Variants in SGCZ observed in about 807,000 individuals in gnomAD.
SGCZ encodes the protein sarcoglycan zeta.
Under a neutral mutation model 41.3 loss-of-function variants are expected in SGCZ, and 40 were observed. That is an observed-to-expected ratio of 0.97 (90% CI 0.75 to 1.26). The LOEUF (loss-of-function observed/expected upper bound fraction) is 1.26, where lower values mean the gene tolerates loss of function less well. Among genes scored for constraint, SGCZ ranks in the 50% most tolerant of loss-of-function variants. The probability of loss-of-function intolerance (pLI) is 0.00; values close to 1 mark genes in which losing one functional copy is unlikely to be tolerated. For synonymous variants in SGCZ, 206 were observed against 137.5 expected, an observed-to-expected ratio of 1.50 and a Z score of -3.49; for missense variants, 552 against 369.8, an observed-to-expected ratio of 1.49 and a Z score of -4.04.
In SGCZ at chr8:15,106,880, G is replaced by A. The variant is rs1273764196; in HGVS notation, c.39+130705C>T. On this transcript the variant is annotated intron_variant, in intron 1 of 7. Transcript: ENST00000382080. ...GGAGTCTGTATCACAGGAAGGAAAT[G>A]TTTCTCAACTTCTGTTATAGTCACC... Among the ~76,000 whole-genome samples the A allele has an allele frequency of 2.0e-5, 3 of 151,646 alleles. No homozygotes were observed. In the East Asian group the frequency reaches 5.8e-4, roughly 29 times the overall value.
chr8:14,769,816 C>CAAAAAAAAAAAAAAAAAA (rs1800174947), intron 1 of SGCZ, among the ~76,000 whole-genome samples: 2 of 91,218 alleles, frequency 2.2e-5, no homozygotes, highest in African/African-American at 8.5e-5. Flanking sequence ...AAAAAAAAAA[C>CAAAAAAAAAAAAAAAAAA]CCAGCAACAA....
At chr8:15,017,157 T>G (rs1432404524) in intron 1 of SGCZ, among the ~76,000 whole-genome samples, 1 of 152,236 alleles carries the variant, frequency 6.6e-6, no homozygotes, top group Non-Finnish European at 1.5e-5. Flanking sequence ...GCTTTAAAAC[T>G]TTAGTTACTT....
chr8:14,557,993 T>C (rs1202523263), intron 1 of SGCZ, among the ~76,000 whole-genome samples: 1 of 152,106 alleles, frequency 6.6e-6, no homozygotes, highest in Non-Finnish European at 1.5e-5. Flanking sequence ...ACAATACACC[T>C]GACATCACAG....
Position 14,858,865 on chromosome 8 carries a change from G to C in SGCZ, c.40-303939C>G, listed in dbSNP as rs148412955. Among the ~76,000 whole-genome samples, 420 of 152,180 alleles carry C rather than the reference G, an allele frequency of 2.8e-3. 2 individuals carry two copies. The highest frequency in any genetic ancestry group is 9.7e-3 in the African/African-American group (402 of 41,540). ...ACGAGTTTTATATCAAGTATTTGTT[G>C]ATCTAATAGTGGTAGGTGCAAATTT... On this transcript the variant is annotated intron_variant, in intron 1 of 7. Coordinates refer to ENST00000382080, the MANE Select transcript of SGCZ (RefSeq NM_139167.4).
At chr8:14,925,032 AT>A (rs1433823404) in intron 1 of SGCZ, among the ~76,000 whole-genome samples, 1 of 151,746 alleles carries the variant, frequency 6.6e-6, no homozygotes, top group African/African-American at 2.4e-5. Flanking sequence ...TAATTTTTGT[AT>A]TTTTAGTAGA....
At chr8:14,628,966 T>G (rs1236358555) in intron 1 of SGCZ, among the ~76,000 whole-genome samples, 1 of 152,170 alleles carries the variant, frequency 6.6e-6, no homozygotes, top group African/African-American at 2.4e-5. Context: ...TGAGTCGTAA[T>G]CAATTCCAAA....
chr8:14,837,185 C>A (rs377246590), intron 1 of SGCZ, among the ~76,000 whole-genome samples: 17 of 152,180 alleles, frequency 1.1e-4, no homozygotes, highest in African/African-American at 4.1e-4. Context: ...AGAAAATAAG[C>A]AGTAAATATG....
At position 14,102,306 on chromosome 8, in the gene SGCZ, T is replaced by C. The variant is rs1469644038; in HGVS notation, c.744+70A>G. 11 of 1,309,600 alleles carry C rather than the reference T, an allele frequency of 8.4e-6. No homozygotes were observed. The East Asian group carries it at 3.1e-4, about 37-fold the overall frequency. The allele number at this position is 1,309,600 out of a possible 1,614,324, so 81.1% of individuals were successfully genotyped here. ...TATTCCTTCACAAGTCAATTATAAA[T>C]AGGACATCTAAATACTTGTGTTTTC... is the stretch of plus-strand genomic sequence containing the variant. On this transcript the variant is annotated intron_variant, in intron 7 of 7. Coordinates refer to ENST00000382080, the MANE Select transcript of SGCZ (RefSeq NM_139167.4).
At chr8:14,855,612 C>A (rs1171034326) in intron 1 of SGCZ, among the ~76,000 whole-genome samples, 1 of 152,068 alleles carries the variant, frequency 6.6e-6, no homozygotes, top group Non-Finnish European at 1.5e-5. Flanking sequence ...CAGACTGAGG[C>A]CAACTCTAAA....
intron 1 of SGCZ, among the ~76,000 whole-genome samples, chr8:14,779,111 A>G (rs994588735): frequency 2.6e-5 from 4 of 152,230 alleles, no homozygotes; most frequent in Admixed American, 1.3e-4. Flanking sequence ...AGCTTCTAAC[A>G]TAGTCCCGTG....
chr8:15,058,403 C>T (rs778481963), intron 1 of SGCZ, among the ~76,000 whole-genome samples: 14 of 152,102 alleles, frequency 9.2e-5, no homozygotes, highest in Non-Finnish European at 1.6e-4. Context: ...ATGGGTGTCA[C>T]CATCTTTTGT....
chr8:14,854,937 G>T (rs761195747), intron 1 of SGCZ, among the ~76,000 whole-genome samples: 1 of 151,180 alleles, frequency 6.6e-6, no homozygotes, highest in East Asian at 1.9e-4. Context: ...ATCATGCAGA[G>T]GTCCATGCTA....
intron 1 of SGCZ, among the ~76,000 whole-genome samples, chr8:15,111,049 T>C (rs536008935): frequency 6.6e-6 from 1 of 152,284 alleles, no homozygotes; most frequent in South Asian, 2.1e-4. Flanking sequence ...CAGGAGAATA[T>C]GGTCTGGAGG....
At position 14,841,291 on chromosome 8, in the gene SGCZ, C is replaced by T. The variant is rs118130475; in HGVS notation, c.40-286365G>A. ...TCTGCTGCATCTACAAGCACTGGCT[C>T]CAAAGAAGCTCTCAGGCTAACCTAA... On this transcript the variant is annotated intron_variant, in intron 1 of 7. Transcript: ENST00000382080. 6.1e-3 allele frequency among the ~76,000 whole-genome samples: 922 copies of T among 152,110 alleles called. 1 individual carries two copies. The highest frequency in any genetic ancestry group is 0.01 in the Non-Finnish European group (696 of 67,970).
chr8:14,547,867 C>T (rs560812438), intron 2 of SGCZ, among the ~76,000 whole-genome samples: 9 of 152,266 alleles, frequency 5.9e-5, no homozygotes, highest in African/African-American at 1.4e-4. Context: ...TCTGGATTTA[C>T]AAAATTATAA....
intron 1 of SGCZ, among the ~76,000 whole-genome samples, chr8:14,826,074 G>A (rs1230928348): frequency 6.7e-6 from 1 of 149,022 alleles, no homozygotes; most frequent in Non-Finnish European, 1.5e-5. Context: ...ATCTCCTAAT[G>A]CTATCCCTCC....
rs1210240065 is a variant in SGCZ at position 14,879,741 on chromosome 8, T to A, written c.40-324815A>T. 8 of 152,140 alleles carry A rather than the reference T, an allele frequency of 5.3e-5. No homozygotes were observed. In the East Asian group the frequency reaches 1.5e-3, roughly 29 times the overall value. 9.4% of individuals were successfully genotyped at this position (152,140 alleles called of 1,614,324 possible). ...GCCTACTATGCACATGAGATGTCCT[T>A]TCCTGCCAGCCACCAGTTAGATTCT... is the stretch of plus-strand genomic sequence containing the variant. On this transcript the variant is annotated intron_variant, in intron 1 of 7. Transcript: ENST00000382080.
intron 1 of SGCZ, among the ~76,000 whole-genome samples, chr8:15,231,001 T>C (rs559103494): frequency 6.6e-6 from 1 of 152,330 alleles, no homozygotes; most frequent in African/African-American, 2.4e-5. Context: ...AGTACTACTC[T>C]AACCAGATCA....
chr8:14,275,982 C>T (rs1481333743), intron 3 of SGCZ, among the ~76,000 whole-genome samples: 1 of 152,222 alleles, frequency 6.6e-6, no homozygotes, highest in Non-Finnish European at 1.5e-5. Flanking sequence ...AAAAACTGTT[C>T]ACAGTGTCTC....
Sources: gnomAD v4.1 joint callset for allele counts (sites outside exome capture counted in the v4.1 genomes callset) on GRCh38, gnomAD v4.1.1 for gene constraint, MANE v1.5 for transcripts, NCBI Gene and HGNC (gene_info 2026-07-23, HGNC 2026-07-21) for gene names.